The following DTX2 variants were observed in gnomAD, a reference collection of about 807,000 sequenced individuals.
The protein encoded by DTX2 is deltex E3 ubiquitin ligase 2.
In DTX2, 29 loss-of-function variants were observed where a neutral mutation model predicts 55.3. That is an observed-to-expected ratio of 0.52 (90% CI 0.39 to 0.71). DTX2 has a LOEUF of 0.71. Among genes scored for constraint, DTX2 ranks in the 30% least tolerant of loss-of-function variants. The pLI is 0.00. For missense variants in DTX2, 537 were observed against 822.5 expected (o/e 0.65, Z 4.25); for synonymous variants, 276 against 340.4 (o/e 0.81, Z 2.08).
At chr7:76,480,370 G>T (rs1331892919) in intron 2 of DTX2, 51 bp from the exon 3 acceptor site, 4 of 1,110,466 alleles carry the variant, frequency 3.6e-6, no homozygotes, top group South Asian at 3.4e-5. Flanking sequence ...GGCTGATTCT[G>T]CAGGGCTACT....
intron 2 of DTX2, among the ~76,000 whole-genome samples, chr7:76,480,022 C>T (rs1196041213): frequency 1.5e-5 from 2 of 136,860 alleles, no homozygotes; most frequent in East Asian, 4.4e-4. Context: ...GAAAAGCAAG[C>T]GTGAGACCAG....
chr7:76,501,062 A>G (rs1293167629), intron 7 of DTX2, among the ~76,000 whole-genome samples: 2 of 151,742 alleles, frequency 1.3e-5, no homozygotes, highest in Non-Finnish European at 2.9e-5. Context: ...GCTTCCATAG[A>G]ACCTGAACCT....
At position 76,505,826 on chromosome 7, in the gene DTX2, T is replaced by G; in HGVS notation, c.*225T>G. 1.6e-6 allele frequency: 1 copy of G among 606,692 alleles called. No individual in the cohort carries two copies. The highest frequency in any genetic ancestry group is 2.9e-6 in the Non-Finnish European group (1 of 341,448). 37.6% of individuals were successfully genotyped at this position (606,692 alleles called of 1,614,324 possible). On this transcript the variant is annotated 3_prime_UTR_variant, in exon 11 of 11. Coordinates refer to ENST00000430490, the MANE Select transcript of DTX2 (RefSeq NM_001102594.3). The surrounding 1 kb of genome is among the most constrained non-coding windows in gnomAD (Gnocchi z 4.4). ...TACTCATGGGGGCTTAGGATGCAGCTACCTCAGTGCGCAGGGCCCGTCTGT... is the reference window on the plus strand; with the variant it reads ...TACTCATGGGGGCTTAGGATGCAGCGACCTCAGTGCGCAGGGCCCGTCTGT...
chr7:76,480,742 A>C lies in DTX2; in HGVS notation c.233A>C (p.Asp78Ala). The C allele has an allele frequency of 6.2e-7, 1 of 1,611,060 alleles. No homozygotes were observed. Among genetic ancestry groups the C allele is most frequent in the Non-Finnish European group, 8.5e-7 (1 of 1,178,574 alleles). The stretch of plus-strand genomic sequence containing the variant: ...CCCTCGCTGGCCCCTTACATTATTG[A>C]CCTCCCCAGCTGGACCCAGTTCCGC... ...ADPSLAPYII[D>A]LPSWTQFRQD... The change falls in exon 3 of 11, where the codon GAC becomes GCC. Residue 78 changes from aspartate to alanine, a missense_variant. Transcript: ENST00000430490.
chr7:76,464,610 T>C (rs1263661131), intron 2 of DTX2, among the ~76,000 whole-genome samples: 1 of 152,018 alleles, frequency 6.6e-6, no homozygotes, highest in Non-Finnish European at 1.5e-5. Flanking sequence ...TTGTCCAGGC[T>C]GGTCTCTAAC....
At chr7:76,472,005 A>G (rs1224027830) in intron 2 of DTX2, 1 of 148,612 alleles carries the variant, frequency 6.7e-6, no homozygotes, top group Admixed American at 6.7e-5. Context: ...GACAAATCAC[A>G]TGCTAGTTTC....
chr7:76,501,913 G>GAGT (rs1811742499), intron 7 of DTX2: 1 of 212,154 alleles, frequency 4.7e-6, no homozygotes, highest in Admixed American at 5.7e-5. Context: ...TTCTGAGACG[G>GAGT]AGTCTCGCTC....
intron 8 of DTX2, among the ~76,000 whole-genome samples, chr7:76,503,201 G>A (rs1349778162): frequency 6.6e-6 from 1 of 152,228 alleles, no homozygotes; most frequent in African/African-American, 2.4e-5. Context: ...CTCGCCACCT[G>A]TCTCCTGATA....
chr7:76,482,779 C>G lies in DTX2; in HGVS notation c.540C>G (p.Tyr180Ter), dbSNP rs1201475800. ...RSVRRQAGPP[Y>*]PVTTIIAPPG... ...TGCGGCGCCAAGCAGGGCCGCCTTA[C>G]CCGGTGACCACCATCATCGCTCCGC... The change falls in exon 4 of 11, where the codon TAC becomes TAG. Residue 180 changes from tyrosine (Y) to a stop codon, truncating the protein, a stop_gained. Coordinates refer to ENST00000430490, the MANE Select transcript of DTX2 (RefSeq NM_001102594.3). LOFTEE classifies it high-confidence loss of function. 1 of 1,613,862 alleles carries G rather than the reference C, an allele frequency of 6.2e-7. No individual in the cohort carries two copies. Among genetic ancestry groups the G allele is most frequent in the Non-Finnish European group, 8.5e-7 (1 of 1,179,828 alleles).
At chr7:76,491,624 CTT>C (rs1324200768) in intron 4 of DTX2, among the ~76,000 whole-genome samples, 1 of 74,022 alleles carries the variant, frequency 1.4e-5, no homozygotes, top group Non-Finnish European at 2.7e-5. Flanking sequence ...TATAAAATAT[CTT>C]TTTTTTTCTT....
In DTX2 at chr7:76,505,563, G is replaced by A. The variant is rs1442065053; in HGVS notation, c.1831G>A (p.Ala611Thr). ...GCAGAACGTGCTGGCTGAGCTGGCTGCCCAGGGGGTGACCGAGGACTGCCT... is the reference window on the plus strand; with the variant it reads ...GCAGAACGTGCTGGCTGAGCTGGCTACCCAGGGGGTGACCGAGGACTGCCT... ...YLQNVLAELA[A>T]QGVTEDCLEQ... The change falls in exon 11 of 11, where the codon GCC (alanine) becomes ACC (threonine). Residue 611 changes from alanine to threonine, a missense_variant. By Grantham distance (58) the Ala-to-Thr change is moderately conservative. Around this residue, in one of 7 missense-constraint regions of DTX2, gnomAD observed 59 missense variants for 54.1 expected, o/e 1.09. Coordinates refer to ENST00000430490, the MANE Select transcript of DTX2 (RefSeq NM_001102594.3). This position sits in a 1 kb window ranked among gnomAD's most constrained non-coding sequence, Gnocchi z 4.4. 1.3e-6 allele frequency: 2 copies of A among 1,599,576 alleles called. No homozygotes were observed. Among genetic ancestry groups the A allele is most frequent in the East Asian group, 2.3e-5 (1 of 44,356 alleles).
intron 10 of DTX2, among the ~76,000 whole-genome samples, chr7:76,504,913 G>A (rs958305278): frequency 1.3e-4 from 20 of 152,168 alleles, no homozygotes; most frequent in Non-Finnish European, 2.1e-4. Context: ...GGTTCTGAGC[G>A]CCCAGCGAAG....
In DTX2 at chr7:76,491,321, G is replaced by A. The variant is rs1185556454; in HGVS notation, c.909-832G>A. Among the ~76,000 whole-genome samples, 7 of 136,956 alleles carry A rather than the reference G, an allele frequency of 5.1e-5. No individual in the cohort carries two copies. In the South Asian group the frequency reaches 1.4e-3, roughly 28 times the overall value. The allele number at this position is 136,956 out of a possible 152,430, so 89.8% of individuals were successfully genotyped here. ...ATTTTTTTTTTTTTTTTGAGACGGA[G>A]TCTTGCTCTGTTGTCCAGGCTGGAG... On this transcript the variant is annotated intron_variant, in intron 4 of 10. Coordinates refer to ENST00000430490, the MANE Select transcript of DTX2 (RefSeq NM_001102594.3).
At chr7:76,468,304 A>G (rs1348928280) in intron 2 of DTX2, among the ~76,000 whole-genome samples, 2 of 150,306 alleles carry the variant, frequency 1.3e-5, no homozygotes, top group Non-Finnish European at 3.0e-5. Context: ...GAGGCAGAGC[A>G]CTCTCTCACT....
At chr7:76,471,500 T>C (rs1015868319) in intron 2 of DTX2, among the ~76,000 whole-genome samples, 1 of 150,144 alleles carries the variant, frequency 6.7e-6, no homozygotes, top group Non-Finnish European at 1.5e-5. Flanking sequence ...AAGGGCTGTG[T>C]TCCTGGATGC....
chr7:76,505,235 G>T lies in DTX2; in HGVS notation c.1642-139G>T. On this transcript the variant is annotated intron_variant, in intron 10 of 10. Transcript: ENST00000430490. This position sits in a 1 kb window ranked among gnomAD's most constrained non-coding sequence, Gnocchi z 4.4. ...GGGCAGTTTTGGGGTCCCTGCAGAT[G>T]GGGTGAGTGCCAGGGAGTGGATGAG... 1 of 706,094 alleles carries T rather than the reference G, an allele frequency of 1.4e-6. No individual in the cohort carries two copies. Among genetic ancestry groups the T allele is most frequent in the South Asian group, 1.8e-5 (1 of 56,948 alleles). 43.7% of individuals were successfully genotyped at this position (706,094 alleles called of 1,614,324 possible).
intron 5 of DTX2, among the ~76,000 whole-genome samples, chr7:76,494,969 A>C (rs2530648): frequency 8.8e-4 from 103 of 117,672 alleles, no homozygotes; most frequent in Non-Finnish European, 1.4e-3. Context: ...CTTTTTGCAG[A>C]GAGGTTTATA....
At chr7:76,464,802 G>T (rs911794363) in intron 2 of DTX2, among the ~76,000 whole-genome samples, 6 of 150,776 alleles carry the variant, frequency 4.0e-5, no homozygotes, top group South Asian at 2.1e-4. Context: ...CAGCTTCTTC[G>T]TGGGGAGAGG....
chr7:76,489,810 G>A (rs1810233807), intron 4 of DTX2, among the ~76,000 whole-genome samples: 1 of 130,460 alleles, frequency 7.7e-6, no homozygotes, highest in Non-Finnish European at 1.7e-5. Flanking sequence ...GCCACAGAAC[G>A]AGACTCTGTC....
Sources: allele counts gnomAD v4.1 joint callset (sites outside exome capture counted in the v4.1 genomes callset), GRCh38; gene constraint gnomAD v4.1.1; regional missense constraint gnomAD v4.1.1; non-coding constraint Gnocchi (gnomAD v3.1); transcripts MANE v1.5; gene names NCBI Gene and HGNC (gene_info 2026-07-23, HGNC 2026-07-21).